Variants in GALNT13 observed in about 807,000 individuals in gnomAD.
GALNT13 encodes the protein polypeptide N-acetylgalactosaminyltransferase 13.
A neutral mutation model predicts 64.2 loss-of-function variants in GALNT13; 28 were observed. The ratio of observed to expected loss-of-function variants is 0.44; its 90% CI spans 0.32 to 0.60. The LOEUF is 0.60. Among genes scored for constraint, GALNT13 ranks in the 20% least tolerant of loss-of-function variants. The pLI is 0.05. For synonymous variants in GALNT13, 214 were observed against 224.6 expected (o/e 0.95, Z 0.42); for missense variants, 577 against 669.8 (o/e 0.86, Z 1.53).
At chr2:153,149,071 T>A in the GALNT13 span, among the ~76,000 whole-genome samples, 1 of 151,844 alleles carries the variant, frequency 6.6e-6, no homozygotes, top group East Asian at 1.9e-4. Context: ...GAAATCTTCA[T>A]TAGTCTTAGG....
intron 9 of GALNT13, among the ~76,000 whole-genome samples, chr2:154,347,901 CAA>C (rs1294624125): frequency 6.6e-6 from 1 of 152,150 alleles, no homozygotes; most frequent in Non-Finnish European, 1.5e-5. Flanking sequence ...TCAGTTGGCT[CAA>C]AGTCAGTATG....
the GALNT13 span, among the ~76,000 whole-genome samples, chr2:153,486,589 C>A: frequency 1.3e-5 from 2 of 152,180 alleles, no homozygotes; most frequent in South Asian, 4.2e-4. Context: ...TGAGTAGTAG[C>A]CACAGTGCTC....
chr2:154,350,482 C>A lies in GALNT13; in HGVS notation c.1157-45509C>A, dbSNP rs116198947. On this transcript the variant is annotated intron_variant, in intron 9 of 12. Transcript: ENST00000392825. Reference sequence around the variant, plus strand: ...CAGTGGTTTGCCAGGGGCTCTCGGGCTTTCAGCCACAGATTGAAGGCTGCA... The same window carrying A: ...CAGTGGTTTGCCAGGGGCTCTCGGGATTTCAGCCACAGATTGAAGGCTGCA... Among the ~76,000 whole-genome samples the A allele has an allele frequency of 6.6e-3, 1,003 of 152,320 alleles. 15 individuals are homozygous for A. Among genetic ancestry groups the A allele is most frequent in the African/African-American group, 0.023 (943 of 41,554 alleles).
In GALNT13 at chr2:154,022,042, A is replaced by C. The variant is rs540097444; in HGVS notation, c.142+77403A>C. Among the ~76,000 whole-genome samples the C allele has an allele frequency of 9.5e-3, 1,444 of 152,232 alleles. 21 individuals carry two copies. The highest frequency in any genetic ancestry group is 0.033 in the African/African-American group (1,368 of 41,520). On this transcript the variant is annotated intron_variant, in intron 3 of 12. Transcript: ENST00000392825. ...GTATGTTGAACCAGCCTTGCATCCCAGGGATGAAGCCCACTTGATCATGGT... is the reference window on the plus strand; with the variant it reads ...GTATGTTGAACCAGCCTTGCATCCCCGGGATGAAGCCCACTTGATCATGGT...
intron 2 of GALNT13, among the ~76,000 whole-genome samples, chr2:153,903,284 G>T (rs1308589082): frequency 2.0e-5 from 3 of 151,926 alleles, no homozygotes; most frequent in Non-Finnish European, 2.9e-5. Context: ...GTCCGTAAAA[G>T]AACGCATTTT....
At chr2:153,669,798 G>A in the GALNT13 span, among the ~76,000 whole-genome samples, 1 of 152,182 alleles carries the variant, frequency 6.6e-6, no homozygotes, top group African/African-American at 2.4e-5. Context: ...GTACCTGGAG[G>A]AATGGTATAC....
the GALNT13 span, among the ~76,000 whole-genome samples, chr2:153,705,415 T>C: frequency 3.5e-4 from 53 of 150,434 alleles, no homozygotes; most frequent in African/African-American, 1.2e-3. Flanking sequence ...AAAAAAGTGA[T>C]GAAACTATTG....
At chr2:153,976,494 C>A (rs997251528) in intron 3 of GALNT13, among the ~76,000 whole-genome samples, 1 of 151,916 alleles carries the variant, frequency 6.6e-6, no homozygotes, top group Non-Finnish European at 1.5e-5. Flanking sequence ...TCTTCCAAGC[C>A]AATTAGGTAT....
the GALNT13 span, among the ~76,000 whole-genome samples, chr2:153,581,898 A>G: frequency 6.6e-6 from 1 of 152,114 alleles, no homozygotes; most frequent in Non-Finnish European, 1.5e-5. Flanking sequence ...ACTAATGATC[A>G]AGGTCCTTTG....
At chr2:154,094,225 C>T (rs1172638927) in intron 3 of GALNT13, among the ~76,000 whole-genome samples, 2 of 151,860 alleles carry the variant, frequency 1.3e-5, no homozygotes, top group Admixed American at 1.3e-4. Context: ...AGGCAGTTTC[C>T]AGGGTAGCAA....
the GALNT13 span, among the ~76,000 whole-genome samples, chr2:153,852,989 C>G: frequency 6.6e-6 from 1 of 152,110 alleles, no homozygotes; most frequent in Non-Finnish European, 1.5e-5. Flanking sequence ...CAGTGTGAGT[C>G]CCATAACCTC....
At chr2:153,402,406 T>G in the GALNT13 span, among the ~76,000 whole-genome samples, 1 of 151,316 alleles carries the variant, frequency 6.6e-6, no homozygotes, top group Non-Finnish European at 1.5e-5. Flanking sequence ...ATTATGTGTC[T>G]TGGAGTTGCT....
chr2:153,289,066 T>C, the GALNT13 span, among the ~76,000 whole-genome samples: 1 of 152,236 alleles, frequency 6.6e-6, no homozygotes, highest in Non-Finnish European at 1.5e-5. Flanking sequence ...TTCCTATTAC[T>C]CTCTGGATTT....
At position 154,346,606 on chromosome 2, in the gene GALNT13, T is replaced by G. The variant is rs114038713; in HGVS notation, c.1156+45017T>G. Among the ~76,000 whole-genome samples, 978 of 152,250 alleles carry G rather than the reference T, an allele frequency of 6.4e-3. 14 individuals carry two copies. Among genetic ancestry groups the G allele is most frequent in the African/African-American group, 0.022 (933 of 41,546 alleles). On this transcript the variant is annotated intron_variant, in intron 9 of 12. Transcript: ENST00000392825. ...CTGCCACCATGTAAAGTGTACCTTT[T>G]GCCTTCTGCCATGATTGTGAGTCCT... is the stretch of plus-strand genomic sequence containing the variant.
chr2:153,165,040 G>T, the GALNT13 span, among the ~76,000 whole-genome samples: 7 of 152,196 alleles, frequency 4.6e-5, no homozygotes, highest in African/African-American at 1.7e-4. Flanking sequence ...TTATAAGTCA[G>T]TTTGAATATC....
the GALNT13 span, among the ~76,000 whole-genome samples, chr2:153,260,537 G>A: frequency 3.9e-5 from 6 of 152,138 alleles, no homozygotes; most frequent in Non-Finnish European, 2.9e-5. Context: ...CTCCTGGCCT[G>A]TAAGGTTTTC....
chr2:153,112,995 T>G, the GALNT13 span, among the ~76,000 whole-genome samples: 5 of 152,200 alleles, frequency 3.3e-5, no homozygotes, highest in East Asian at 7.7e-4. Context: ...AAGTTTAGGT[T>G]CTTCCAGATC....
chr2:153,102,185 T>A, the GALNT13 span, among the ~76,000 whole-genome samples: 1 of 152,156 alleles, frequency 6.6e-6, no homozygotes, highest in African/African-American at 2.4e-5. Context: ...TTGCTCTGTC[T>A]CCCTCTTTCT....
the GALNT13 span, among the ~76,000 whole-genome samples, chr2:153,265,436 T>C: frequency 6.6e-6 from 1 of 152,184 alleles, no homozygotes; most frequent in Admixed American, 6.5e-5. Context: ...TGTGTTGCTT[T>C]CTACTGTGAC....
Sources: gnomAD v4.1 joint callset for allele counts (sites outside exome capture counted in the v4.1 genomes callset) on GRCh38, gnomAD v4.1.1 for gene constraint, MANE v1.5 for transcripts, NCBI Gene and HGNC (gene_info 2026-07-23, HGNC 2026-07-21) for gene names.